The following CLIC4 variants were observed in gnomAD, a reference collection of about 807,000 sequenced individuals.
CLIC4 encodes the protein chloride intracellular channel protein 4.
In CLIC4, 13 loss-of-function variants were observed where a neutral mutation model predicts 24.6. The observed-to-expected ratio is 0.53, with a 90% CI of 0.34 to 0.84. The LOEUF (loss-of-function observed/expected upper bound fraction) is 0.84. Among genes scored for constraint, CLIC4 ranks in the 40% least tolerant of loss-of-function variants. The probability of loss-of-function intolerance (pLI) is 0.01; values close to 1 mark genes in which losing one functional copy is unlikely to be tolerated. For missense variants in CLIC4, 227 were observed against 301.7 expected (o/e 0.75, Z 1.83); for synonymous variants, 104 against 111.3 (o/e 0.93, Z 0.41).
intron 4 of CLIC4, 48 bp from the exon 5 acceptor site, chr1:24,839,812 G>A (rs1430793243): frequency 6.6e-7 from 1 of 1,516,302 alleles, no homozygotes; most frequent in East Asian, 2.3e-5. Context: ...GGGGACTTGA[G>A]TGGTTTTCCT....
Position 24,840,995 on chromosome 1 carries a change from A to G in CLIC4, c.*58A>G, listed in dbSNP as rs1181262554. 2 of 1,433,922 alleles carry G rather than the reference A, an allele frequency of 1.4e-6. No homozygotes were observed. Among genetic ancestry groups the G allele is most frequent in the African/African-American group, 2.9e-5 (2 of 70,018 alleles). 88.8% of individuals were successfully genotyped at this position (1,433,922 alleles called of 1,614,324 possible). Reference sequence around the variant, plus strand: ...TTCCCCTAAGAATACGCTTTTCCTAACAGGCTACTCCTTCCTGTAGAGCAG... The same window carrying G: ...TTCCCCTAAGAATACGCTTTTCCTAGCAGGCTACTCCTTCCTGTAGAGCAG... On this transcript the variant is annotated 3_prime_UTR_variant, in exon 6 of 6. Coordinates refer to ENST00000374379, the MANE Select transcript of CLIC4 (RefSeq NM_013943.3).
At chr1:24,772,518 C>T (rs1017912789) in intron 1 of CLIC4, among the ~76,000 whole-genome samples, 1 of 152,178 alleles carries the variant, frequency 6.6e-6, no homozygotes. Flanking sequence ...CGGAGTCTTG[C>T]TCTCTCGCCC....
chr1:24,764,414 T>C (rs1467540779), intron 1 of CLIC4, among the ~76,000 whole-genome samples: 7 of 150,868 alleles, frequency 4.6e-5, no homozygotes, highest in African/African-American at 1.2e-4. Context: ...CTCACACTTA[T>C]AATCCCAGCA....
intron 2 of CLIC4, among the ~76,000 whole-genome samples, chr1:24,800,911 CAG>C (rs1639480927): frequency 1.5e-4 from 1 of 6,804 alleles, no homozygotes. Flanking sequence ...CTCAAGTAAT[CAG>C]GGACAAACAC....
At chr1:24,827,375 A>G (rs1371914543) in intron 4 of CLIC4, among the ~76,000 whole-genome samples, 1 of 152,178 alleles carries the variant, frequency 6.6e-6, no homozygotes, top group African/African-American at 2.4e-5. Context: ...AGTTTATTTC[A>G]TCTTATTTTG....
intron 1 of CLIC4, among the ~76,000 whole-genome samples, chr1:24,795,277 A>C (rs533509902): frequency 1.3e-5 from 2 of 152,316 alleles, no homozygotes; most frequent in South Asian, 4.1e-4. Flanking sequence ...AATCTACCTC[A>C]TCATTGCCAT....
chr1:24,746,640 T>C (rs1448137740), intron 1 of CLIC4, among the ~76,000 whole-genome samples: 2 of 152,148 alleles, frequency 1.3e-5, no homozygotes, highest in Admixed American at 1.3e-4. Flanking sequence ...AAGTAAATGG[T>C]CATCTAGAAC....
chr1:24,839,899 A>G lies in CLIC4; in HGVS notation c.455A>G (p.Asp152Gly). The G allele has an allele frequency of 1.2e-6, 2 of 1,612,500 alleles. No individual in the cohort carries two copies. The highest frequency in any genetic ancestry group is 2.1e-4 in the Middle Eastern group (1 of 4,784). ...RGLLKTLQKLDEYLNSPLPDE... is the reference protein window; with the variant it reads ...RGLLKTLQKLGEYLNSPLPDE... ...CTCCTGAAAACCCTGCAGAAACTGG[A>G]TGAATATCTGAATTCTCCTCTCCCT... Residue 152 changes from aspartate to glycine, a missense_variant, in exon 5 of 6, where the codon GAT (aspartate) becomes GGT (glycine). Physicochemically the swap from Asp to Gly is moderately conservative, Grantham distance 94 (BLOSUM62 -1). Coordinates refer to ENST00000374379, the MANE Select transcript of CLIC4 (RefSeq NM_013943.3).
intron 2 of CLIC4, among the ~76,000 whole-genome samples, chr1:24,799,740 A>G: frequency 8.2e-6 from 1 of 121,802 alleles, no homozygotes; most frequent in Non-Finnish European, 1.7e-5. Context: ...CCCGTCCGGG[A>G]GGGAGGTGGG....
chr1:24,745,927 C>T (rs1212208469), intron 1 of CLIC4, among the ~76,000 whole-genome samples: 1 of 150,590 alleles, frequency 6.6e-6, no homozygotes, highest in Non-Finnish European at 1.5e-5. Flanking sequence ...ACGGGCGGGA[C>T]TTGCCTGCCC....
intron 3 of CLIC4, among the ~76,000 whole-genome samples, chr1:24,818,170 A>G (rs1231733521): frequency 6.6e-6 from 1 of 152,240 alleles, no homozygotes; most frequent in Non-Finnish European, 1.5e-5. Context: ...TCAGGGTGCC[A>G]TAAACCTTCA....
intron 4 of CLIC4, among the ~76,000 whole-genome samples, chr1:24,831,732 G>A (rs1282201779): frequency 2.0e-5 from 3 of 152,096 alleles, no homozygotes; most frequent in Admixed American, 6.5e-5. Context: ...TCCACCTCCC[G>A]GGTTCAAGTG....
rs376556763 is a variant in CLIC4, at chr1:24,776,843, C to T, written c.73-20899C>T. On this transcript the variant is annotated intron_variant, in intron 1 of 5. Coordinates refer to ENST00000374379, the MANE Select transcript of CLIC4 (RefSeq NM_013943.3). ...AGGAGAATCCCTTGAACCCAGGAGG[C>T]GGAGGTTGCAGTGAGCAAAGATCAT... is the stretch of plus-strand genomic sequence containing the variant. Among the ~76,000 whole-genome samples, 1,343 of 151,898 alleles carry T rather than the reference C, an allele frequency of 8.8e-3. 13 individuals are homozygous for T. The highest frequency in any genetic ancestry group is 0.014 in the Non-Finnish European group (982 of 67,934).
chr1:24,768,784 C>G (rs1409115804), intron 1 of CLIC4, among the ~76,000 whole-genome samples: 4 of 151,246 alleles, frequency 2.6e-5, no homozygotes, highest in Admixed American at 2.6e-4. Flanking sequence ...GCCTGTAGTC[C>G]CAGCTACTCG....
rs1388318352 is a variant in CLIC4, at chr1:24,797,764, T to C, written c.95T>C (p.Ile32Thr). ...CAGGCTGGCAGTGATGGTGAAAGCATAGGAAACTGCCCCTTTTCCCAGAGG... is the reference window on the plus strand; with the variant it reads ...CAGGCTGGCAGTGATGGTGAAAGCACAGGAAACTGCCCCTTTTCCCAGAGG... ...FVKAGSDGES[I>T]GNCPFSQRLF... The change falls in exon 2 of 6, where the codon ATA becomes ACA. Residue 32 changes from isoleucine (I) to threonine (T), a missense_variant. By Grantham distance (89) the Ile-to-Thr change is moderately conservative. Transcript: ENST00000374379. 14 of 1,612,924 alleles carry C rather than the reference T, an allele frequency of 8.7e-6. No individual in the cohort carries two copies. Among genetic ancestry groups the C allele is most frequent in the Non-Finnish European group, 1.1e-5 (13 of 1,179,612 alleles).
intron 1 of CLIC4, among the ~76,000 whole-genome samples, chr1:24,770,292 C>T (rs1639055491): frequency 6.6e-6 from 1 of 151,098 alleles, no homozygotes; most frequent in African/African-American, 2.4e-5. Context: ...CTTCCTCCCC[C>T]TTCAGAGGTT....
At chr1:24,827,712 A>G (rs1177189183) in intron 4 of CLIC4, among the ~76,000 whole-genome samples, 2 of 152,086 alleles carry the variant, frequency 1.3e-5, no homozygotes, top group Non-Finnish European at 2.9e-5. Context: ...TTTTCGCGGT[A>G]AGAGTTGTTT....
At chr1:24,837,888 T>G (rs1639901474) in intron 4 of CLIC4, among the ~76,000 whole-genome samples, 2 of 152,148 alleles carry the variant, frequency 1.3e-5, no homozygotes. Context: ...TAAATGATGT[T>G]CCTTAGGGCT....
At chr1:24,789,562 A>G (rs930041529) in intron 1 of CLIC4, among the ~76,000 whole-genome samples, 9 of 152,164 alleles carry the variant, frequency 5.9e-5, no homozygotes, top group Middle Eastern at 3.4e-3. Context: ...TATAAGAAGT[A>G]TTACATTTTC....
Sources: gnomAD v4.1 joint callset for allele counts (sites outside exome capture counted in the v4.1 genomes callset) on GRCh38, gnomAD v4.1.1 for gene constraint, MANE v1.5 for transcripts, NCBI Gene and HGNC (gene_info 2026-07-23, HGNC 2026-07-21) for gene names.